The following EEF2K variants were observed in gnomAD, a reference collection of about 807,000 sequenced individuals.
EEF2K encodes the protein eukaryotic elongation factor 2 kinase.
A neutral mutation model predicts 93.8 loss-of-function variants in EEF2K; 70 were observed. The ratio of observed to expected loss-of-function variants is 0.75; its 90% CI spans 0.62 to 0.91. EEF2K has a LOEUF of 0.91. Among genes scored for constraint, EEF2K ranks in the 40% least tolerant of loss-of-function variants. The pLI, the probability that EEF2K is intolerant of heterozygous loss-of-function variation, is 0.00. For missense variants in EEF2K, 935 were observed against 972.9 expected (o/e 0.96, Z 0.52); for synonymous variants, 376 against 380.8 (o/e 0.99, Z 0.15).
chr16:22,259,609 A>G (rs1198418322), intron 10 of EEF2K, among the ~76,000 whole-genome samples: 10 of 152,188 alleles, frequency 6.6e-5, no homozygotes, highest in Admixed American at 6.5e-5. Context: ...ATAAAACTCT[A>G]TGGATGGTGA....
intron 2 of EEF2K, among the ~76,000 whole-genome samples, chr16:22,227,742 T>C (rs962895031): frequency 2.6e-5 from 4 of 152,104 alleles, no homozygotes; most frequent in Non-Finnish European, 4.4e-5. Context: ...ATAATAACTA[T>C]TAGTTACTTT....
chr16:22,229,845 T>TA (rs1395261348), intron 2 of EEF2K, among the ~76,000 whole-genome samples: 2 of 152,254 alleles, frequency 1.3e-5, no homozygotes, highest in Non-Finnish European at 2.9e-5. Context: ...ACAAAATGCC[T>TA]ATTACCACTT....
chr16:22,273,501 C>T lies in EEF2K; in HGVS notation c.1765-125C>T, dbSNP rs1022071271. ...GAGTCAAGTGCCCCCTCCTATCTCACTTCTATAGCCTCCCAACCCGGAGCT... is the reference window on the plus strand; with the variant it reads ...GAGTCAAGTGCCCCCTCCTATCTCATTTCTATAGCCTCCCAACCCGGAGCT... On this transcript the variant is annotated intron_variant, in intron 15 of 17. Transcript: ENST00000263026. 6.3e-6 allele frequency: 9 copies of T among 1,434,174 alleles called. No individual in the cohort carries two copies. In the African/African-American group the frequency reaches 8.5e-5, roughly 14 times the overall value. The allele number at this position is 1,434,174 out of a possible 1,614,324, so 88.8% of individuals were successfully genotyped here. A position where few individuals can be genotyped will look rare whatever the true frequency, so the allele number is the denominator to read the frequency against.
chr16:22,243,922 CAAAAAA>C (rs1011054825), intron 2 of EEF2K, among the ~76,000 whole-genome samples: 6 of 61,996 alleles, frequency 9.7e-5, no homozygotes, highest in Non-Finnish European at 1.2e-4. Context: ...GACCCTGTCT[CAAAAAA>C]AAAAAAAAAA....
chr16:22,286,179 G>A lies in EEF2K; in HGVS notation c.*2183G>A, dbSNP rs192538779. ...CATCATAGCCAGTTTTCCTTTTGAA[G>A]TTGGAACTGATCACCCTTTTGTCAT... On this transcript the variant is annotated 3_prime_UTR_variant, in exon 18 of 18. Coordinates refer to ENST00000263026, the MANE Select transcript of EEF2K (RefSeq NM_013302.5). 10 of 152,290 alleles carry A rather than the reference G, an allele frequency of 6.6e-5. No individual in the cohort carries two copies. In the East Asian group the frequency reaches 1.9e-3, roughly 29 times the overall value. 9.4% of individuals were successfully genotyped at this position (152,290 alleles called of 1,614,324 possible).
rs1029097687 is a variant in EEF2K at position 22,285,470 on chromosome 16, T to G, written c.*1474T>G. 1 of 152,232 alleles carries G rather than the reference T, an allele frequency of 6.6e-6. No homozygotes were observed. Among genetic ancestry groups the G allele is most frequent in the East Asian group, 1.9e-4 (1 of 5,204 alleles). The allele number at this position is 152,232 out of a possible 1,614,324, so 9.4% of individuals were successfully genotyped here. A position where few individuals can be genotyped will look rare whatever the true frequency, so the allele number is the denominator to read the frequency against. On this transcript the variant is annotated 3_prime_UTR_variant, in exon 18 of 18. Transcript: ENST00000263026. The stretch of plus-strand genomic sequence containing the variant: ...ATGGCGATTGTTATTTAATGAGCTT[T>G]TCCTTTCAATGGAATTCAGCTCTCA...
At chr16:22,224,912 C>T (rs1370096906) in intron 1 of EEF2K, among the ~76,000 whole-genome samples, 2 of 151,636 alleles carry the variant, frequency 1.3e-5, no homozygotes, top group African/African-American at 4.9e-5. Flanking sequence ...AAGATCGCAC[C>T]ATTGCACTCC....
At chr16:22,253,162 G>A (rs2047367379) in intron 6 of EEF2K, among the ~76,000 whole-genome samples, 1 of 152,158 alleles carries the variant, frequency 6.6e-6, no homozygotes, top group South Asian at 2.1e-4. Flanking sequence ...ACCTTCATTT[G>A]AGCCCCTAGG....
rs2047771687 is a variant in EEF2K, at chr16:22,288,660, C to T, written c.*4664C>T. On this transcript the variant is annotated 3_prime_UTR_variant, in exon 18 of 18. Transcript: ENST00000263026. ...CTCAAGATGGGGCCCAGAGAAGTGG[C>T]CTGCGTTACAGATTTATTTTGGCAT... 6.6e-6 allele frequency: 1 copy of T among 152,064 alleles called. No homozygotes were observed. Among genetic ancestry groups the T allele is most frequent in the Non-Finnish European group, 1.5e-5 (1 of 68,040 alleles). 9.4% of individuals were successfully genotyped at this position (152,064 alleles called of 1,614,324 possible). A position where few individuals can be genotyped will look rare whatever the true frequency, so the allele number is the denominator to read the frequency against.
chr16:22,267,044 T>C (rs1489007748), intron 15 of EEF2K, among the ~76,000 whole-genome samples, 168 bp downstream of exon 15: 3 of 152,182 alleles, frequency 2.0e-5, no homozygotes, highest in Non-Finnish European at 2.9e-5. Context: ...CCCCTCCAAG[T>C]TAGTTGAAAC....
intron 1 of EEF2K, among the ~76,000 whole-genome samples, chr16:22,221,215 A>G (rs1481418007): frequency 6.6e-6 from 1 of 152,196 alleles, no homozygotes; most frequent in Admixed American, 6.6e-5. Context: ...GGCCAAACAC[A>G]GTGGCTCACA....
chr16:22,283,688 G>A (rs1380526943), intron 17 of EEF2K, among the ~76,000 whole-genome samples, 199 bp from the exon 18 acceptor site: 1 of 152,128 alleles, frequency 6.6e-6, no homozygotes, highest in Non-Finnish European at 1.5e-5. Context: ...GATAGGAGGA[G>A]TGCTATTATT....
At chr16:22,232,338 C>T (rs1171190003) in intron 2 of EEF2K, among the ~76,000 whole-genome samples, 1 of 152,084 alleles carries the variant, frequency 6.6e-6, no homozygotes, top group Non-Finnish European at 1.5e-5. Flanking sequence ...GCGATCCTCC[C>T]ACCTCAGCCT....
intron 8 of EEF2K, 62 bp from the exon 9 acceptor site, chr16:22,257,581 C>A: frequency 6.3e-7 from 1 of 1,592,196 alleles, no homozygotes; most frequent in South Asian, 1.1e-5. Context: ...ATGAGGCCCA[C>A]CACTGCCTGT....
chr16:22,266,747 G>T lies in EEF2K; in HGVS notation c.1635G>T (p.Glu545Asp), dbSNP rs143012622. 4,258 of 1,614,164 alleles carry T rather than the reference G, an allele frequency of 2.6e-3. 114 individuals carry two copies. Among genetic ancestry groups the T allele is most frequent in the South Asian group, 1.2e-3 (107 of 91,076 alleles). Reference sequence around the variant, plus strand: ...GGCGCTTCTGCGAGAAGGGCGAGGAGTGGGACCAGGAGTCGGCTGTCTTCC... The same window carrying T: ...GGCGCTTCTGCGAGAAGGGCGAGGATTGGGACCAGGAGTCGGCTGTCTTCC... ...EGGRFCEKGE[E>D]WDQESAVFHL... Residue 545 changes from glutamate to aspartate, a missense_variant, in exon 15 of 18, where the codon GAG (glutamate) becomes GAT (aspartate). Transcript: ENST00000263026.
At chr16:22,220,681 G>A (rs952161492) in intron 1 of EEF2K, among the ~76,000 whole-genome samples, 2 of 152,218 alleles carry the variant, frequency 1.3e-5, no homozygotes, top group Non-Finnish European at 2.9e-5. Context: ...CTGAGCTCAA[G>A]CGATCTGCCC....
intron 2 of EEF2K, among the ~76,000 whole-genome samples, chr16:22,241,539 G>A (rs1262154846): frequency 6.7e-6 from 1 of 149,916 alleles, no homozygotes; most frequent in Non-Finnish European, 1.5e-5. Context: ...CAGCTACTCA[G>A]GAGGCTGAGG....
intron 2 of EEF2K, among the ~76,000 whole-genome samples, chr16:22,238,017 C>T (rs111748168): frequency 8.7e-4 from 133 of 152,210 alleles, no homozygotes; most frequent in African/African-American, 3.0e-3. Flanking sequence ...ATGCTGGGTG[C>T]GGTGGCTCAC....
intron 9 of EEF2K, 124 bp from the exon 10 acceptor site, chr16:22,258,370 C>T (rs1285082573): frequency 1.0e-6 from 1 of 993,508 alleles, no homozygotes; most frequent in Non-Finnish European, 1.5e-6. Flanking sequence ...TATATCAGCT[C>T]CTAAACAGGC....
Sources: gnomAD v4.1 joint callset for allele counts (sites outside exome capture counted in the v4.1 genomes callset) on GRCh38, gnomAD v4.1.1 for gene constraint, MANE v1.5 for transcripts, NCBI Gene and HGNC (gene_info 2026-07-23, HGNC 2026-07-21) for gene names.